The following ABHD2 variants were observed in gnomAD, a reference collection of about 807,000 sequenced individuals.
The protein encoded by ABHD2 is monoacylglycerol lipase ABHD2.
ABHD2 carries 20 observed loss-of-function variants against 48.1 expected under a neutral mutation model. The ratio of observed to expected loss-of-function variants is 0.42; its 90% CI spans 0.29 to 0.60. The LOEUF is 0.60. Among genes scored for constraint, ABHD2 ranks in the 20% least tolerant of loss-of-function variants. The pLI is 0.24. For synonymous variants in ABHD2, 209 were observed against 214.2 expected (o/e 0.98, Z 0.21); for missense variants, 405 against 550.9 (o/e 0.74, Z 2.65).
Position 89,200,729 on chromosome 15 carries a change from G to GAA in ABHD2, c.*5315_*5316dup, listed in dbSNP as rs375688536. ...AGGTAAACAAATCTTCTGGTCAAGA[G>GAA]AAAAAAAAAAGAAATAGCACTCTGC... On this transcript the variant is annotated 3_prime_UTR_variant, in exon 11 of 11. Transcript: ENST00000352732. 542 of 220,524 alleles carry GAA rather than the reference G, an allele frequency of 2.5e-3. 3 individuals carry two copies. Among genetic ancestry groups the GAA allele is most frequent in the African/African-American group, 0.012 (515 of 42,280 alleles). 13.7% of individuals were successfully genotyped at this position (220,524 alleles called of 1,614,324 possible).
In ABHD2 at chr15:89,102,813, C is replaced by T. The variant is rs2049722177; in HGVS notation, c.-106-10912C>T. ...GAGTATTTTTTAGGTGGACTAGGAG[C>T]AAATGCCTGCCTGATACAGGCAACG... On this transcript the variant is annotated intron_variant, in intron 1 of 10. Transcript: ENST00000352732. The surrounding 1 kb of genome is among the most constrained non-coding windows in gnomAD (Gnocchi z 4.8). Among the ~76,000 whole-genome samples, 1 of 152,200 alleles carries T rather than the reference C, an allele frequency of 6.6e-6. No individual in the cohort carries two copies. Among genetic ancestry groups the T allele is most frequent in the Non-Finnish European group, 1.5e-5 (1 of 68,046 alleles).
At chr15:89,121,458 CTT>C (rs372991470) in intron 3 of ABHD2, among the ~76,000 whole-genome samples, 2 of 144,112 alleles carry the variant, frequency 1.4e-5, no homozygotes, top group African/African-American at 2.5e-5. Context: ...CTCCCTTTGG[CTT>C]TTTTTTTTTT....
chr15:89,063,460 T>G, the ABHD2 span, among the ~76,000 whole-genome samples: 1 of 152,002 alleles, frequency 6.6e-6, no homozygotes, highest in African/African-American at 2.4e-5. Flanking sequence ...CATATTAATA[T>G]AAGTCCTGCC....
Position 89,112,708 on chromosome 15 carries a change from G to A in ABHD2, c.-106-1017G>A, listed in dbSNP as rs1246431565. Among the ~76,000 whole-genome samples the A allele has an allele frequency of 3.3e-5, 5 of 152,214 alleles. No homozygotes were observed. The East Asian group carries it at 5.8e-4, about 18-fold the overall frequency. ...GTCTGACTTTGGGCAAGCCTCTGGT[G>A]TCTTGTGTGTGTCTCCTGCACCATC... is the stretch of plus-strand genomic sequence containing the variant. On this transcript the variant is annotated intron_variant, in intron 1 of 10. Transcript: ENST00000352732.
chr15:89,065,772 C>G, the ABHD2 span, among the ~76,000 whole-genome samples: 47 of 152,212 alleles, frequency 3.1e-4, 1 homozygote, highest in African/African-American at 1.1e-3. Flanking sequence ...TTCCAGAAGC[C>G]CCCCATGATA....
chr15:89,156,039 T>C (rs2050667611), intron 5 of ABHD2, among the ~76,000 whole-genome samples: 1 of 152,176 alleles, frequency 6.6e-6, no homozygotes, highest in Non-Finnish European at 1.5e-5. Flanking sequence ...TGATTTGAAT[T>C]AAAATTTTGT....
intron 5 of ABHD2, among the ~76,000 whole-genome samples, chr15:89,156,823 C>A (rs1035708023): frequency 2.0e-5 from 3 of 151,950 alleles, no homozygotes; most frequent in African/African-American, 7.3e-5. Context: ...TATACATAAA[C>A]AATAAACACA....
intron 5 of ABHD2, among the ~76,000 whole-genome samples, chr15:89,172,033 T>A (rs59352065): frequency 0.41 from 61,336 of 150,402 alleles, 13,265 homozygotes; most frequent in East Asian, 0.8. Context: ...GCTTTTTTTT[T>A]AAAAAAAATC....
chr15:89,074,589 T>A, the ABHD2 span, among the ~76,000 whole-genome samples: 11 of 152,158 alleles, frequency 7.2e-5, no homozygotes, highest in African/African-American at 1.9e-4. Flanking sequence ...TTAAGTGTAA[T>A]GGAAATGAAA....
the ABHD2 span, among the ~76,000 whole-genome samples, chr15:89,068,686 C>A: frequency 2.1e-5 from 3 of 145,612 alleles, no homozygotes; most frequent in East Asian, 6.5e-4. Flanking sequence ...CATATGGCAT[C>A]ATATGATATT....
At chr15:89,054,402 T>C in the ABHD2 span, among the ~76,000 whole-genome samples, 134,624 of 152,020 alleles carry the variant, frequency 0.89, 59,666 homozygotes, top group South Asian at 0.96. Flanking sequence ...GTACTTTGGC[T>C]AGGTGCAGTG....
intron 3 of ABHD2, among the ~76,000 whole-genome samples, chr15:89,147,396 C>T (rs1056510035): frequency 3.5e-5 from 5 of 141,024 alleles, no homozygotes; most frequent in Non-Finnish European, 7.4e-5. Flanking sequence ...CTCTTTCGCC[C>T]AGGCTGGAGT....
chr15:89,176,150 A>G lies in ABHD2; in HGVS notation c.722+155A>G, dbSNP rs1024359479. ...TGGACTCACCTTGTTTTGTCTGCAT[A>G]TCATACATTGGAGATGCCCCATCAG... On this transcript the variant is annotated intron_variant, in intron 6 of 10. Coordinates refer to ENST00000352732, the MANE Select transcript of ABHD2 (RefSeq NM_152924.5). This position sits in a 1 kb window ranked among gnomAD's most constrained non-coding sequence, Gnocchi z 4.5. Among the ~76,000 whole-genome samples the G allele has an allele frequency of 5.3e-5, 8 of 152,160 alleles. No homozygotes were observed. Among genetic ancestry groups the G allele is most frequent in the Non-Finnish European group, 1.5e-5 (1 of 68,030 alleles).
At chr15:89,156,938 C>T (rs2050684344) in intron 5 of ABHD2, among the ~76,000 whole-genome samples, 1 of 152,082 alleles carries the variant, frequency 6.6e-6, no homozygotes, top group South Asian at 2.1e-4. Context: ...ATCATCTCAC[C>T]ATAACTATAA....
At chr15:89,061,716 G>A in the ABHD2 span, among the ~76,000 whole-genome samples, 1 of 151,932 alleles carries the variant, frequency 6.6e-6, no homozygotes, top group African/African-American at 2.4e-5. Context: ...GGGACTACAG[G>A]TGTGCACCAC....
intron 4 of ABHD2, among the ~76,000 whole-genome samples, chr15:89,153,523 A>G (rs8041715): frequency 0.059 from 8,948 of 152,258 alleles, 911 homozygotes; most frequent in African/African-American, 0.2. Context: ...CAGGACCAAC[A>G]TGGAAAGTTG....
intron 1 of ABHD2, among the ~76,000 whole-genome samples, chr15:89,098,777 A>T (rs1596061154): frequency 6.6e-6 from 1 of 152,324 alleles, no homozygotes; most frequent in Middle Eastern, 3.4e-3. Flanking sequence ...ATCACCCATC[A>T]GTCTATTTAT....
chr15:89,180,425 C>T (rs1427324545), intron 6 of ABHD2, among the ~76,000 whole-genome samples: 1 of 152,152 alleles, frequency 6.6e-6, no homozygotes, highest in Non-Finnish European at 1.5e-5. Context: ...ATCTTTCTGC[C>T]CCATCCTTCC....
Position 89,193,328 on chromosome 15 carries a change from T to G in ABHD2, c.1081+9T>G. 6.2e-7 allele frequency: 1 copy of G among 1,607,604 alleles called. No homozygotes were observed. On this transcript the variant is annotated intron_variant, in intron 10 of 10. Coordinates refer to ENST00000352732, the MANE Select transcript of ABHD2 (RefSeq NM_152924.5). Reference sequence around the variant, plus strand: ...TCCAAAATCTCTTTCAGGTAAGTGTTTCTTCCTGCTGCCCTCTCAACAGCT... The same window carrying G: ...TCCAAAATCTCTTTCAGGTAAGTGTGTCTTCCTGCTGCCCTCTCAACAGCT...
Sources: allele counts gnomAD v4.1 joint callset (sites outside exome capture counted in the v4.1 genomes callset), GRCh38; gene constraint gnomAD v4.1.1; non-coding constraint Gnocchi (gnomAD v3.1); transcripts MANE v1.5; gene names NCBI Gene and HGNC (gene_info 2026-07-23, HGNC 2026-07-21).